MPZL1: variants seen among roughly 807,000 people sequenced by gnomAD.
MPZL1 encodes myelin protein zero-like protein 1.
Under a neutral mutation model 29.3 loss-of-function variants are expected in MPZL1, and 16 were observed. The observed-to-expected ratio is 0.55, with a 90% CI of 0.37 to 0.83. The LOEUF (loss-of-function observed/expected upper bound fraction) is 0.83, where lower values mean the gene tolerates loss of function less well. Ranked by LOEUF, MPZL1 falls within the 40% of genes least tolerant of loss-of-function variation. The pLI is 0.00. For synonymous variants in MPZL1, 143 were observed against 132.0 expected (o/e 1.08, Z -0.57); for missense variants, 279 against 332.9 (o/e 0.84, Z 1.26).
intron 1 of MPZL1, 58 bp downstream of exon 1, chr1:167,722,300 AC>A: frequency 8.1e-7 from 1 of 1,231,936 alleles, no homozygotes; most frequent in Non-Finnish European, 1.0e-6. Flanking sequence ...GGCCCGACAC[AC>A]GCCCATCGCG....
chr1:167,787,637 C>G lies in MPZL1; in HGVS notation c.709-183C>G, dbSNP rs573957451. Among the ~76,000 whole-genome samples the G allele has an allele frequency of 3.3e-5, 5 of 152,286 alleles. No homozygotes were observed. The South Asian group carries it at 1.0e-3, about 32-fold the overall frequency. On this transcript the variant is annotated intron_variant, in intron 5 of 5. Coordinates refer to ENST00000359523, the MANE Select transcript of MPZL1 (RefSeq NM_003953.6). ...TGCTTTAACTATTGTCAACGTATGT[C>G]CAATCTTGTTTCAAAGTCAGTCCTG...
intron 1 of MPZL1, among the ~76,000 whole-genome samples, chr1:167,757,723 G>C (rs1660895694): frequency 6.6e-6 from 1 of 152,182 alleles, no homozygotes; most frequent in Admixed American, 6.5e-5. Context: ...TCAGAACGCT[G>C]TTTAAATAAA....
In MPZL1 at chr1:167,772,265, C is replaced by T. The variant is rs1298630056; in HGVS notation, c.259-10C>T. On this transcript the variant is annotated splice_polypyrimidine_tract_variant and intron_variant, in intron 2 of 5. Transcript: ENST00000359523. ...AGAATAGTTCATGTGTTCCTTTTTT[C>T]TAATTGCAGTTTTTCCACTACTCCC... 3 of 1,597,970 alleles carry T rather than the reference C, an allele frequency of 1.9e-6. No individual in the cohort carries two copies. The highest frequency in any genetic ancestry group is 3.4e-5 in the Admixed American group (2 of 58,482).
At chr1:167,730,341 C>T (rs1037031124) in intron 1 of MPZL1, among the ~76,000 whole-genome samples, 3 of 151,692 alleles carry the variant, frequency 2.0e-5, no homozygotes, top group East Asian at 1.9e-4. Context: ...TGCAGTGGCA[C>T]GATCTCCACT....
intron 1 of MPZL1, among the ~76,000 whole-genome samples, chr1:167,754,465 G>C (rs931099158): frequency 5.3e-5 from 8 of 152,228 alleles, no homozygotes; most frequent in African/African-American, 1.9e-4. Flanking sequence ...CAGGCTGCCA[G>C]TGCAGTCTTC....
At chr1:167,746,777 C>T (rs1448845523) in intron 1 of MPZL1, among the ~76,000 whole-genome samples, 1 of 152,056 alleles carries the variant, frequency 6.6e-6, no homozygotes, top group Admixed American at 6.6e-5. Context: ...TTGGCTTTTT[C>T]CTAAGGGCTA....
chr1:167,741,025 G>C (rs912618475), intron 1 of MPZL1, among the ~76,000 whole-genome samples: 1 of 151,918 alleles, frequency 6.6e-6, no homozygotes, highest in Non-Finnish European at 1.5e-5. Flanking sequence ...TCACTTCTTT[G>C]GTTTTTGTTT....
chr1:167,760,822 G>A (rs4657707), intron 1 of MPZL1, among the ~76,000 whole-genome samples: 106,401 of 149,344 alleles, frequency 0.71, 38,172 homozygotes, highest in Admixed American at 0.8. Flanking sequence ...TTGAAACTGA[G>A]TGAGGTCACC....
Position 167,727,526 on chromosome 1 carries a change from C to G in MPZL1, c.91+5284C>G, listed in dbSNP as rs538812767. Reference sequence around the variant, plus strand: ...ATTATAGATTAGTCTTTAGCCCCATCGAAGACGGTATAATTATTAGAAGAA... The same window carrying G: ...ATTATAGATTAGTCTTTAGCCCCATGGAAGACGGTATAATTATTAGAAGAA... On this transcript the variant is annotated intron_variant, in intron 1 of 5. Transcript: ENST00000359523. Among the ~76,000 whole-genome samples, 29 of 152,244 alleles carry G rather than the reference C, an allele frequency of 1.9e-4. 1 individual carries two copies. The highest frequency in any genetic ancestry group is 6.2e-4 in the South Asian group (3 of 4,820).
intron 1 of MPZL1, among the ~76,000 whole-genome samples, chr1:167,745,456 A>AAT (rs1660626328): frequency 2.0e-5 from 3 of 152,030 alleles, no homozygotes; most frequent in Non-Finnish European, 4.4e-5. Context: ...TGTGTCTTTT[A>AAT]AAAACACGGA....
At chr1:167,743,606 A>G (rs1462025101) in intron 1 of MPZL1, among the ~76,000 whole-genome samples, 1 of 143,806 alleles carries the variant, frequency 7.0e-6, no homozygotes, top group Non-Finnish European at 1.6e-5. Context: ...TTTTCCTTGT[A>G]GAAGTGTTTC....
rs1661663850 is a variant in MPZL1 at position 167,789,582 on chromosome 1, T to C, written c.*1661T>C. On this transcript the variant is annotated 3_prime_UTR_variant, in exon 6 of 6. Coordinates refer to ENST00000359523, the MANE Select transcript of MPZL1 (RefSeq NM_003953.6). ...ATAAAGGGCATATGAGCTTCAAAAC[T>C]AATGCTGTTGCATACATGAAGCCTT... 6.6e-6 allele frequency: 1 copy of C among 152,264 alleles called. No individual in the cohort carries two copies. Among genetic ancestry groups the C allele is most frequent in the Non-Finnish European group, 1.5e-5 (1 of 68,048 alleles). 9.4% of individuals were successfully genotyped at this position (152,264 alleles called of 1,614,324 possible). A position where few individuals can be genotyped will look rare whatever the true frequency, so the allele number is the denominator to read the frequency against.
intron 4 of MPZL1, 50 bp downstream of exon 4, chr1:167,773,418 T>C (rs539789981): frequency 9.7e-6 from 15 of 1,550,914 alleles, no homozygotes; most frequent in Admixed American, 4.2e-5. Context: ...GGAATCAGGG[T>C]TTATAGAAAC....
chr1:167,754,784 A>C (rs938547489), intron 1 of MPZL1, among the ~76,000 whole-genome samples: 3 of 152,218 alleles, frequency 2.0e-5, no homozygotes, highest in African/African-American at 4.8e-5. Context: ...CCTTTTAAAA[A>C]TCCTGATACC....
chr1:167,771,133 C>T (rs1366698671), intron 2 of MPZL1, among the ~76,000 whole-genome samples: 2 of 151,844 alleles, frequency 1.3e-5, no homozygotes, highest in Non-Finnish European at 2.9e-5. Context: ...AGGCAGAGGT[C>T]CCTGCGGCCT....
intron 5 of MPZL1, among the ~76,000 whole-genome samples, chr1:167,780,344 T>G (rs904705189): frequency 2.6e-5 from 4 of 152,182 alleles, no homozygotes; most frequent in Non-Finnish European, 4.4e-5. Context: ...TCATATGCTG[T>G]CTGCAATAAA....
At chr1:167,757,854 A>G (rs1465831770) in intron 1 of MPZL1, among the ~76,000 whole-genome samples, 1 of 152,210 alleles carries the variant, frequency 6.6e-6, no homozygotes. Context: ...TGTTAAAAAG[A>G]TAAGGTTTTT....
chr1:167,730,738 C>G (rs1250151243), intron 1 of MPZL1, among the ~76,000 whole-genome samples: 1 of 152,216 alleles, frequency 6.6e-6, no homozygotes, highest in African/African-American at 2.4e-5. Context: ...TGACTTTCTT[C>G]CTTTGAGATG....
intron 1 of MPZL1, 68 bp downstream of exon 1, chr1:167,722,310 C>T (rs1660048461): frequency 8.1e-7 from 1 of 1,230,858 alleles, no homozygotes. Flanking sequence ...ACGCCCATCG[C>T]GGCGGTCGCA....
Sources: allele counts gnomAD v4.1 joint callset (sites outside exome capture counted in the v4.1 genomes callset), GRCh38; gene constraint gnomAD v4.1.1; transcripts MANE v1.5; gene names NCBI Gene and HGNC (gene_info 2026-07-23, HGNC 2026-07-21).